Variants in FBXL13 observed in about 807,000 individuals in gnomAD.
FBXL13 encodes the protein F-box and leucine-rich repeat protein 13.
In FBXL13, 67 loss-of-function variants were observed where a neutral mutation model predicts 83.6. That is an observed-to-expected ratio of 0.80 (90% confidence interval 0.66 to 0.98). The LOEUF (loss-of-function observed/expected upper bound fraction) is 0.98, where lower values mean the gene tolerates loss of function less well. FBXL13 is among the 50% of genes least tolerant of loss of function. The pLI is 0.00. For synonymous variants in FBXL13, 272 were observed against 299.5 expected (o/e 0.91, Z 0.95); for missense variants, 822 against 866.5 (o/e 0.95, Z 0.64).
chr7:102,920,887 C>T (rs1056271568), intron 10 of FBXL13, among the ~76,000 whole-genome samples: 1 of 152,218 alleles, frequency 6.6e-6, no homozygotes, highest in African/African-American at 2.4e-5. Context: ...GGCGTGTTGG[C>T]TCATACCTGT....
At chr7:102,944,404 G>A (rs775766727) in intron 8 of FBXL13, 1 of 1,613,988 alleles carries the variant, frequency 6.2e-7, no homozygotes, top group Middle Eastern at 1.6e-4. Flanking sequence ...CCATTTTAAT[G>A]GCCTGGAATG....
intron 2 of FBXL13, among the ~76,000 whole-genome samples, chr7:103,045,471 T>G (rs931722239): frequency 6.6e-6 from 1 of 152,242 alleles, no homozygotes; most frequent in East Asian, 1.9e-4. Context: ...CTATCACCAT[T>G]GTAAAAGTAC....
chr7:103,025,835 CAT>C (rs1491067993), intron 5 of FBXL13, among the ~76,000 whole-genome samples: 1 of 151,934 alleles, frequency 6.6e-6, no homozygotes, highest in East Asian at 1.9e-4. Flanking sequence ...AGGCAGAACA[CAT>C]GTGGAGCGCT....
At chr7:103,033,212 A>G (rs906905883) in intron 2 of FBXL13, among the ~76,000 whole-genome samples, 2 of 152,130 alleles carry the variant, frequency 1.3e-5, no homozygotes, top group African/African-American at 4.8e-5. Context: ...CTCTGAAAGA[A>G]AGACAAGAAT....
chr7:102,869,242 T>C (rs1158774860), intron 16 of FBXL13, among the ~76,000 whole-genome samples: 3 of 152,244 alleles, frequency 2.0e-5, no homozygotes, highest in African/African-American at 7.2e-5. Flanking sequence ...ATGTTGAGTA[T>C]TTCTTCATGT....
rs1378881584 is a variant in FBXL13 at position 102,926,264 on chromosome 7, C to A, written c.878+10G>T. ...TTTTTTCAGTGTCATACAAATAACA[C>A]AAACATTACCTCGGCAGGAGTCGCA... On this transcript the variant is annotated intron_variant, in intron 10 of 19. Transcript: ENST00000313221. 1 of 1,610,372 alleles carries A rather than the reference C, an allele frequency of 6.2e-7. No individual in the cohort carries two copies. Among genetic ancestry groups the A allele is most frequent in the Non-Finnish European group, 8.5e-7 (1 of 1,178,372 alleles).
chr7:102,814,099 T>G (rs1215235972), intron 19 of FBXL13, among the ~76,000 whole-genome samples: 1 of 151,698 alleles, frequency 6.6e-6, no homozygotes, highest in African/African-American at 2.4e-5. Flanking sequence ...TTATAGTCTT[T>G]CTTAGCAGGA....
At chr7:103,050,973 C>T (rs559205972) in intron 2 of FBXL13, among the ~76,000 whole-genome samples, 3 of 152,226 alleles carry the variant, frequency 2.0e-5, no homozygotes, top group Non-Finnish European at 2.9e-5. Flanking sequence ...CACTTCATTG[C>T]TTTGTTGCTC....
At chr7:102,813,723 C>T (rs1262096180) in intron 19 of FBXL13, among the ~76,000 whole-genome samples, 192 bp from the exon 21 acceptor site, 2 of 152,164 alleles carry the variant, frequency 1.3e-5, no homozygotes, top group Non-Finnish European at 2.9e-5. Flanking sequence ...CTCAGTAACT[C>T]TGATTCAGCC....
chr7:103,044,506 G>C (rs1354255533), intron 2 of FBXL13, among the ~76,000 whole-genome samples: 1 of 151,920 alleles, frequency 6.6e-6, no homozygotes, highest in Non-Finnish European at 1.5e-5. Flanking sequence ...TCTCCTATTA[G>C]AGATGCACAC....
intron 7 of FBXL13, among the ~76,000 whole-genome samples, chr7:102,965,056 C>T (rs1825832070): frequency 6.6e-6 from 1 of 152,126 alleles, no homozygotes; most frequent in African/African-American, 2.4e-5. Flanking sequence ...ACTTACTGGA[C>T]CCGAACCCTT....
intron 8 of FBXL13, among the ~76,000 whole-genome samples, chr7:102,958,500 G>A (rs554374029): frequency 6.7e-6 from 1 of 149,380 alleles, no homozygotes; most frequent in African/African-American, 2.5e-5. Flanking sequence ...AAACCTGCAT[G>A]TTGTGCACAT....
intron 8 of FBXL13, among the ~76,000 whole-genome samples, chr7:102,932,581 CTGTT>C (rs1241137659): frequency 2.0e-5 from 3 of 152,070 alleles, no homozygotes; most frequent in East Asian, 1.9e-4. Flanking sequence ...AATAGTTATT[CTGTT>C]TGTTTGTTTC....
At chr7:102,993,438 T>C (rs1223353747) in intron 6 of FBXL13, among the ~76,000 whole-genome samples, 3 of 152,200 alleles carry the variant, frequency 2.0e-5, no homozygotes, top group African/African-American at 7.2e-5. Flanking sequence ...AAACAAGAAG[T>C]CATAGTTGTT....
At chr7:102,818,472 A>G (rs1458329735) in intron 19 of FBXL13, among the ~76,000 whole-genome samples, 2 of 152,252 alleles carry the variant, frequency 1.3e-5, no homozygotes, top group East Asian at 3.8e-4. Flanking sequence ...ATTGTTAAAT[A>G]ACATTATTTG....
chr7:102,870,915 C>T (rs1456485349), intron 16 of FBXL13, among the ~76,000 whole-genome samples: 1 of 152,030 alleles, frequency 6.6e-6, no homozygotes, highest in Non-Finnish European at 1.5e-5. Context: ...GACCCTTTCT[C>T]TAAAAAAATT....
rs577034187 is a variant in FBXL13, at chr7:103,028,308, TC to T, written c.217+291del. Among the ~76,000 whole-genome samples the T allele has an allele frequency of 4.8e-3, 730 of 152,352 alleles. 6 individuals are homozygous for T. Among genetic ancestry groups the T allele is most frequent in the African/African-American group, 0.017 (690 of 41,586 alleles). ...ACCTGTCCATACTATTTGGAACCCA[TC>T]CAGCTCTCTATTATGTAGAAAAGCT... On this transcript the variant is annotated intron_variant, in intron 4 of 19. Transcript: ENST00000313221.
intron 11 of FBXL13, 96 bp downstream of exon 12, chr7:102,912,990 C>T (rs1815052003): frequency 6.7e-6 from 10 of 1,492,932 alleles, no homozygotes; most frequent in Admixed American, 4.0e-5. Flanking sequence ...TGCTGCGGTC[C>T]GTGCACAGCA....
At chr7:103,058,619 C>T (rs1201380005) in intron 1 of FBXL13, among the ~76,000 whole-genome samples, 1 of 152,248 alleles carries the variant, frequency 6.6e-6, no homozygotes, top group South Asian at 2.1e-4. Context: ...TATTCTGGCA[C>T]CCTGAGGACA....
Sources: gnomAD v4.1 joint callset for allele counts (sites outside exome capture counted in the v4.1 genomes callset) on GRCh38, gnomAD v4.1.1 for gene constraint, MANE v1.5 for transcripts, NCBI Gene and HGNC (gene_info 2026-07-23, HGNC 2026-07-21) for gene names.